MIPOL1: variants seen among roughly 807,000 people sequenced by gnomAD.
MIPOL1 encodes mirror-image polydactyly 1, also known as mirror-image polydactyly gene 1 protein.
MIPOL1 carries 57 observed loss-of-function variants against 60.9 expected under a neutral mutation model. That is an observed-to-expected ratio of 0.94 (90% CI 0.76 to 1.17). The LOEUF (loss-of-function observed/expected upper bound fraction) is 1.17, where lower values mean the gene tolerates loss of function less well. MIPOL1 is among the 50% of genes most tolerant of loss of function. The probability of loss-of-function intolerance (pLI) is 0.00; values close to 1 mark genes in which losing one functional copy is unlikely to be tolerated. For missense variants in MIPOL1, 551 were observed against 511.6 expected, an observed-to-expected ratio of 1.08 and a Z score of -0.74; for synonymous variants, 179 against 168.8, an observed-to-expected ratio of 1.06 and a Z score of -0.47.
intron 10 of MIPOL1, among the ~76,000 whole-genome samples, chr14:37,387,816 T>C (rs2093116897): frequency 6.6e-6 from 1 of 151,888 alleles, no homozygotes; most frequent in Non-Finnish European, 1.5e-5. Flanking sequence ...TATTGGGTGT[T>C]TTACAATCAT....
intron 1 of MIPOL1, among the ~76,000 whole-genome samples, chr14:37,236,623 A>C (rs1287327054): frequency 6.6e-6 from 1 of 151,918 alleles, no homozygotes; most frequent in East Asian, 1.9e-4. Context: ...TTTTTAGTAG[A>C]GACGGGGTTT....
intron 1 of MIPOL1, among the ~76,000 whole-genome samples, chr14:37,224,401 G>T (rs576294505): frequency 2.6e-5 from 4 of 152,300 alleles, no homozygotes; most frequent in African/African-American, 9.6e-5. Context: ...ATTTACAAAA[G>T]AAAGAGGTTT....
At chr14:37,412,426 A>G (rs1198219583) in intron 10 of MIPOL1, among the ~76,000 whole-genome samples, 7 of 152,268 alleles carry the variant, frequency 4.6e-5, no homozygotes, top group Admixed American at 4.6e-4. Flanking sequence ...TATCATTGGA[A>G]TGGAATAGAT....
intron 11 of MIPOL1, among the ~76,000 whole-genome samples, chr14:37,480,112 A>G (rs1380069621): frequency 6.6e-6 from 1 of 152,028 alleles, no homozygotes; most frequent in Non-Finnish European, 1.5e-5. Flanking sequence ...CAAACATTTA[A>G]TGAAGAACTA....
chr14:37,292,520 G>T (rs1594943649), intron 7 of MIPOL1, among the ~76,000 whole-genome samples: 1 of 91,602 alleles, frequency 1.1e-5, no homozygotes, highest in African/African-American at 4.4e-5. Context: ...TGCTGTTGTT[G>T]CCCAGGCTGG....
chr14:37,291,995 G>A (rs961557570), intron 7 of MIPOL1, among the ~76,000 whole-genome samples: 1 of 141,440 alleles, frequency 7.1e-6, no homozygotes, highest in East Asian at 2.1e-4. Context: ...GTGCAATCTC[G>A]GCACACTGCA....
chr14:37,417,853 A>T (rs569110704), intron 10 of MIPOL1, among the ~76,000 whole-genome samples: 2 of 152,310 alleles, frequency 1.3e-5, no homozygotes, highest in South Asian at 4.1e-4. Context: ...CTTCTATGGT[A>T]AAATAAGCAA....
At chr14:37,346,254 A>G (rs973932314) in intron 9 of MIPOL1, among the ~76,000 whole-genome samples, 1 of 152,154 alleles carries the variant, frequency 6.6e-6, no homozygotes, top group African/African-American at 2.4e-5. Context: ...GCTTGAACCC[A>G]GGAGGCGAAG....
chr14:37,335,105 C>T (rs1044797689), intron 9 of MIPOL1, among the ~76,000 whole-genome samples: 3 of 152,042 alleles, frequency 2.0e-5, no homozygotes, highest in Non-Finnish European at 2.9e-5. Flanking sequence ...AGTACCTTTA[C>T]CATTTTACAT....
At chr14:37,198,809 AC>A (rs923813579) in intron 1 of MIPOL1, among the ~76,000 whole-genome samples, 1 of 152,188 alleles carries the variant, frequency 6.6e-6, no homozygotes, top group Admixed American at 6.5e-5. Context: ...AAAGGGCCAA[AC>A]AAAACTACAT....
intron 1 of MIPOL1, among the ~76,000 whole-genome samples, chr14:37,221,267 G>A (rs1431706084): frequency 6.6e-6 from 1 of 152,082 alleles, no homozygotes; most frequent in African/African-American, 2.4e-5. Flanking sequence ...ATCTGGCAAG[G>A]GCCTTTGTGC....
chr14:37,513,438 T>A (rs1474927523), intron 12 of MIPOL1, among the ~76,000 whole-genome samples: 1 of 152,098 alleles, frequency 6.6e-6, no homozygotes, highest in Non-Finnish European at 1.5e-5. Flanking sequence ...ACTAAAGAAT[T>A]TGGGCTTATA....
rs1207361764 is a variant in MIPOL1 at position 37,550,452 on chromosome 14, T to C, written c.*3481T>C. ...ATTTTTTACTGATTTTATTGTGTTG[T>C]TGGTAACTAGTATTTACAGCTAACC... On this transcript the variant is annotated 3_prime_UTR_variant, in exon 13 of 13. Transcript: ENST00000684589. 3 of 151,344 alleles carry C rather than the reference T, an allele frequency of 2.0e-5. No homozygotes were observed. In the East Asian group the frequency reaches 5.8e-4, roughly 29 times the overall value. The allele number at this position is 151,344 out of a possible 1,614,324, so 9.4% of individuals were successfully genotyped here. A position where few individuals can be genotyped will look rare whatever the true frequency, so the allele number is the denominator to read the frequency against.
intron 9 of MIPOL1, among the ~76,000 whole-genome samples, chr14:37,367,316 A>G (rs1347527943): frequency 6.6e-6 from 1 of 152,094 alleles, no homozygotes; most frequent in Admixed American, 6.6e-5. Flanking sequence ...AAGAAATAAT[A>G]TAGGATTACA....
rs1259002749 is a variant in MIPOL1, at chr14:37,550,984, T to C, written c.*4013T>C. On this transcript the variant is annotated 3_prime_UTR_variant, in exon 13 of 13. Transcript: ENST00000684589. Reference sequence around the variant, plus strand: ...AACTTCTAAAAGTTGAATTATTTAATGTAGGACTTCATAAATAGTATTTGA... The same window carrying C: ...AACTTCTAAAAGTTGAATTATTTAACGTAGGACTTCATAAATAGTATTTGA... 3 of 152,292 alleles carry C rather than the reference T, an allele frequency of 2.0e-5. No individual in the cohort carries two copies. The South Asian group carries it at 6.2e-4, about 32-fold the overall frequency. 9.4% of individuals were successfully genotyped at this position (152,292 alleles called of 1,614,324 possible). A position where few individuals can be genotyped will look rare whatever the true frequency, so the allele number is the denominator to read the frequency against.
chr14:37,419,575 T>G (rs2093833723), intron 10 of MIPOL1, among the ~76,000 whole-genome samples: 1 of 152,130 alleles, frequency 6.6e-6, no homozygotes, highest in Non-Finnish European at 1.5e-5. Context: ...AATATGAGTA[T>G]AAGAAGAAAA....
chr14:37,262,703 G>A, intron 3 of MIPOL1, among the ~76,000 whole-genome samples: 1 of 152,124 alleles, frequency 6.6e-6, no homozygotes, highest in Admixed American at 6.6e-5. Flanking sequence ...TTATTTGAAT[G>A]TATTTGCCCC....
At chr14:37,457,703 T>G (rs2153579513) in intron 11 of MIPOL1, among the ~76,000 whole-genome samples, 1 of 152,340 alleles carries the variant, frequency 6.6e-6, no homozygotes, top group Admixed American at 6.5e-5. Flanking sequence ...CTCTTACTCC[T>G]TTTTCAAGAC....
At position 37,424,548 on chromosome 14, in the gene MIPOL1, T is replaced by C. The variant is rs78267292; in HGVS notation, c.1031+1599T>C. Among the ~76,000 whole-genome samples the C allele has an allele frequency of 3.3e-3, 499 of 152,312 alleles. 4 individuals are homozygous for C. Among genetic ancestry groups the C allele is most frequent in the African/African-American group, 0.011 (464 of 41,568 alleles). ...ACACCTGATTCCAGACTTCTATAGT[T>C]TCCAGAACTATGTGATATTAAATAT... On this transcript the variant is annotated intron_variant, in intron 11 of 12. Transcript: ENST00000684589.
Sources: allele counts gnomAD v4.1 joint callset (sites outside exome capture counted in the v4.1 genomes callset), GRCh38; gene constraint gnomAD v4.1.1; transcripts MANE v1.5; gene names NCBI Gene and HGNC (gene_info 2026-07-23, HGNC 2026-07-21).